The following DIAPH3 variants were observed in gnomAD, a reference collection of about 807,000 sequenced individuals.
DIAPH3 encodes diaphanous related formin 3, also known as protein diaphanous homolog 3.
In DIAPH3, 117 loss-of-function variants were observed where a neutral mutation model predicts 144.3. The ratio of observed to expected loss-of-function variants is 0.81; its 90% CI spans 0.70 to 0.95. The LOEUF (loss-of-function observed/expected upper bound fraction) is 0.95, where lower values mean the gene tolerates loss of function less well. Among genes scored for constraint, DIAPH3 ranks in the 40% least tolerant of loss-of-function variants. The pLI is 0.00. For synonymous variants in DIAPH3, 519 were observed against 488.9 expected (o/e 1.06, Z -0.81); for missense variants, 1,421 against 1,412.7 (o/e 1.01, Z -0.09).
intron 4 of DIAPH3, among the ~76,000 whole-genome samples, chr13:60,052,959 TAAAAAA>T (rs559991017): frequency 7.4e-5 from 3 of 40,660 alleles, no homozygotes; most frequent in Non-Finnish European, 8.0e-5. Context: ...GACTCCCTCT[TAAAAAA>T]AAAAAAAAAA....
intron 4 of DIAPH3, among the ~76,000 whole-genome samples, chr13:60,046,992 A>AGAGG (rs984297720): frequency 2.0e-5 from 3 of 152,114 alleles, no homozygotes; most frequent in African/African-American, 7.2e-5. Flanking sequence ...GGGGGCTAAG[A>AGAGG]GAGGGATAGC....
At chr13:60,122,531 T>C (rs910128872) in intron 2 of DIAPH3, among the ~76,000 whole-genome samples, 2 of 152,216 alleles carry the variant, frequency 1.3e-5, no homozygotes, top group Admixed American at 1.3e-4. Context: ...GGATGTTATA[T>C]TAATATTTGT....
intron 9 of DIAPH3, among the ~76,000 whole-genome samples, chr13:59,998,809 G>C (rs1195156160): frequency 6.6e-6 from 1 of 152,050 alleles, no homozygotes; most frequent in Non-Finnish European, 1.5e-5. Flanking sequence ...AAAAGTAGTA[G>C]TCAGAAGAGA....
chr13:60,153,521 T>C (rs1466874795), intron 1 of DIAPH3: 2 of 152,120 alleles, frequency 1.3e-5, no homozygotes, highest in Non-Finnish European at 2.9e-5. Context: ...TCTACACATA[T>C]CTTCCTCAGC....
chr13:59,880,755 T>C (rs2044968378), intron 20 of DIAPH3, among the ~76,000 whole-genome samples: 1 of 151,990 alleles, frequency 6.6e-6, no homozygotes, highest in African/African-American at 2.4e-5. Context: ...CAAAGCCCTA[T>C]AGTGAATGAA....
intron 27 of DIAPH3, among the ~76,000 whole-genome samples, chr13:59,746,582 T>A (rs185992768): frequency 2.5e-3 from 381 of 152,232 alleles, no homozygotes; most frequent in Non-Finnish European, 4.3e-3. Flanking sequence ...CATTGGAACT[T>A]GATATTAAAA....
chr13:60,019,871 G>A (rs1410919270), intron 5 of DIAPH3, among the ~76,000 whole-genome samples: 3 of 151,630 alleles, frequency 2.0e-5, no homozygotes, highest in Admixed American at 6.6e-5. Context: ...GGAACAAAGC[G>A]CTCTCAAGTA....
intron 5 of DIAPH3, among the ~76,000 whole-genome samples, chr13:60,020,466 C>A (rs180681982): frequency 1.3e-5 from 2 of 152,294 alleles, no homozygotes; most frequent in Non-Finnish European, 2.9e-5. Flanking sequence ...CTCTTGGGCT[C>A]AAGCAATCCT....
chr13:59,924,466 T>C (rs2140301543), intron 18 of DIAPH3, among the ~76,000 whole-genome samples: 1 of 149,602 alleles, frequency 6.7e-6, no homozygotes, highest in African/African-American at 2.5e-5. Context: ...TGTCATTACC[T>C]AAATTCCTTA....
At chr13:59,683,565 A>AAAAGG (rs1279939208) in intron 27 of DIAPH3, among the ~76,000 whole-genome samples, 1 of 152,200 alleles carries the variant, frequency 6.6e-6, no homozygotes, top group African/African-American at 2.4e-5. Flanking sequence ...GCAGGAAATA[A>AAAAGG]AAAGGAAGCT....
chr13:59,678,884 A>C (rs1438086423), intron 27 of DIAPH3, among the ~76,000 whole-genome samples: 1 of 152,222 alleles, frequency 6.6e-6, no homozygotes, highest in East Asian at 1.9e-4. Flanking sequence ...AAATACAGAT[A>C]AATGTTTAAA....
At chr13:59,709,563 T>C (rs2034617772) in intron 27 of DIAPH3, among the ~76,000 whole-genome samples, 2 of 152,178 alleles carry the variant, frequency 1.3e-5, no homozygotes, top group African/African-American at 4.8e-5. Context: ...TCACACCAGT[T>C]AGAATGGCAA....
At chr13:59,897,245 T>C (rs896965563) in intron 20 of DIAPH3, among the ~76,000 whole-genome samples, 29 of 152,208 alleles carry the variant, frequency 1.9e-4, no homozygotes, top group African/African-American at 7.0e-4. Context: ...ATATAATTAA[T>C]AGGGTGAAAT....
At chr13:60,029,033 T>G (rs915644757) in intron 5 of DIAPH3, among the ~76,000 whole-genome samples, 1 of 148,482 alleles carries the variant, frequency 6.7e-6, no homozygotes, top group Non-Finnish European at 1.5e-5. Flanking sequence ...CACTCCAGTC[T>G]GGTGACAGAG....
intron 9 of DIAPH3, among the ~76,000 whole-genome samples, chr13:60,008,147 A>C (rs1417438085): frequency 6.6e-6 from 1 of 152,182 alleles, no homozygotes; most frequent in Non-Finnish European, 1.5e-5. Context: ...TAATCCCAGC[A>C]CTTTGGGAGG....
At chr13:59,867,666 T>G (rs1485091950) in intron 21 of DIAPH3, among the ~76,000 whole-genome samples, 2 of 152,144 alleles carry the variant, frequency 1.3e-5, no homozygotes, top group Non-Finnish European at 2.9e-5. Flanking sequence ...AACTTCTATA[T>G]AGAAAGCATT....
chr13:59,886,506 C>T (rs1310350204), intron 20 of DIAPH3, among the ~76,000 whole-genome samples: 4 of 151,924 alleles, frequency 2.6e-5, no homozygotes, highest in African/African-American at 2.4e-5. Context: ...ATAAAACCTG[C>T]TGAGATTTTG....
chr13:60,062,411 A>G (rs1352320347), intron 4 of DIAPH3, among the ~76,000 whole-genome samples: 1 of 152,200 alleles, frequency 6.6e-6, no homozygotes, highest in South Asian at 2.1e-4. Flanking sequence ...GAATTTTACC[A>G]ATTTACTGGG....
intron 20 of DIAPH3, among the ~76,000 whole-genome samples, chr13:59,910,737 TAAAAAAA>T (rs761070763): frequency 8.3e-6 from 1 of 119,852 alleles, no homozygotes; most frequent in Non-Finnish European, 1.8e-5. Context: ...CTCAAGTATT[TAAAAAAA>T]AAAAAAAAAA....
Sources: allele counts gnomAD v4.1 joint callset (sites outside exome capture counted in the v4.1 genomes callset), GRCh38; gene constraint gnomAD v4.1.1; transcripts MANE v1.5; gene names NCBI Gene and HGNC (gene_info 2026-07-23, HGNC 2026-07-21).